Variants in PDE7B observed in about 807,000 individuals in gnomAD.
The protein encoded by PDE7B is 3',5'-cyclic-AMP phosphodiesterase 7B.
PDE7B carries 29 observed loss-of-function variants against 56.2 expected under a neutral mutation model. The observed-to-expected ratio is 0.52, with a 90% CI of 0.38 to 0.70. The LOEUF is 0.70. Ranked by LOEUF, PDE7B falls within the 30% of genes least tolerant of loss-of-function variation. PDE7B has a pLI of 0.00. For synonymous variants in PDE7B, 197 were observed against 196.9 expected (o/e 1.00, Z 0.00); for missense variants, 490 against 565.0 (o/e 0.87, Z 1.35).
intron 1 of PDE7B, among the ~76,000 whole-genome samples, chr6:135,885,304 GTTTTTTGTTGTTGCTTGTTTGTTGT>G (rs1775684774): frequency 1.4e-5 from 2 of 146,666 alleles, no homozygotes; most frequent in Non-Finnish European, 3.0e-5. Context: ...TTGTTTGTTT[GTTTTTTGTTGTTGCTTGTTTGTTGT>G]TTTTTTTTTT....
chr6:136,010,297 G>A (rs377334186), intron 2 of PDE7B, among the ~76,000 whole-genome samples: 46 of 151,760 alleles, frequency 3.0e-4, no homozygotes, highest in African/African-American at 1.0e-3. Context: ...GCTGTTTAAA[G>A]CCAATACTTC....
intron 3 of PDE7B, among the ~76,000 whole-genome samples, chr6:136,116,237 A>G (rs1777827908): frequency 6.6e-6 from 1 of 152,230 alleles, no homozygotes; most frequent in Non-Finnish European, 1.5e-5. Flanking sequence ...ACTGACCTAC[A>G]TATGAGGACA....
At chr6:135,969,845 C>T (rs529651860) in intron 2 of PDE7B, among the ~76,000 whole-genome samples, 4 of 151,890 alleles carry the variant, frequency 2.6e-5, no homozygotes, top group Non-Finnish European at 5.9e-5. Context: ...GGAAAAGGAC[C>T]CCATGGCTAT....
intron 8 of PDE7B, among the ~76,000 whole-genome samples, chr6:136,159,077 C>T (rs1174663521): frequency 1.3e-5 from 2 of 152,158 alleles, no homozygotes; most frequent in African/African-American, 2.4e-5. Context: ...TTATTACACT[C>T]TATAATGTCT....
In PDE7B at chr6:136,037,446, G is replaced by A. The variant is rs556414645; in HGVS notation, c.83-71285G>A. The A allele has an allele frequency of 2.1e-3, 2,049 of 985,408 alleles. 2 individuals are homozygous for A. The highest frequency in any genetic ancestry group is 2.2e-3 in the Non-Finnish European group (1,826 of 829,890). The allele number at this position is 985,408 out of a possible 1,614,324, so 61.0% of individuals were successfully genotyped here. On this transcript the variant is annotated intron_variant, in intron 2 of 12. Transcript: ENST00000308191. ...TTGCCGAGAACCAAATGACACAAGGGGGAGGGATGTGGAGAAGGAGCGAGA... is the reference window on the plus strand; with the variant it reads ...TTGCCGAGAACCAAATGACACAAGGAGGAGGGATGTGGAGAAGGAGCGAGA...
At chr6:136,186,397 A>C (rs1779146199) in intron 11 of PDE7B, among the ~76,000 whole-genome samples, 2 of 152,062 alleles carry the variant, frequency 1.3e-5, no homozygotes, top group African/African-American at 2.4e-5. Context: ...CACTGCACTC[A>C]AGCCTGGGTG....
chr6:136,053,141 G>A (rs1183597493), intron 2 of PDE7B, among the ~76,000 whole-genome samples: 2 of 151,826 alleles, frequency 1.3e-5, no homozygotes, highest in East Asian at 1.9e-4. Context: ...CATGTGCCAC[G>A]TTGGTGTGCT....
chr6:136,027,307 C>CT (rs1384289934), intron 2 of PDE7B, among the ~76,000 whole-genome samples: 3 of 152,194 alleles, frequency 2.0e-5, no homozygotes, highest in Admixed American at 1.3e-4. Flanking sequence ...ATTCCTCTTT[C>CT]TTTGCTTTGT....
At chr6:135,994,113 G>T (rs1775520939) in intron 2 of PDE7B, among the ~76,000 whole-genome samples, 1 of 118,210 alleles carries the variant, frequency 8.5e-6, no homozygotes, top group Non-Finnish European at 1.7e-5. Flanking sequence ...TCTTGTATTG[G>T]ATCTGTGTGT....
At chr6:135,916,245 T>C (rs1773931637) in intron 1 of PDE7B, among the ~76,000 whole-genome samples, 1 of 152,146 alleles carries the variant, frequency 6.6e-6, no homozygotes, top group African/African-American at 2.4e-5. Flanking sequence ...TTGTGTTAAG[T>C]TTAGCCATTC....
At chr6:136,113,720 G>T (rs1039571160) in intron 3 of PDE7B, among the ~76,000 whole-genome samples, 11 of 152,188 alleles carry the variant, frequency 7.2e-5, no homozygotes, top group African/African-American at 2.7e-4. Flanking sequence ...TTGTAGGGGG[G>T]AAACAAAGGA....
chr6:135,860,959 A>G (rs976034267), intron 1 of PDE7B, among the ~76,000 whole-genome samples: 1 of 151,896 alleles, frequency 6.6e-6, no homozygotes, highest in Non-Finnish European at 1.5e-5. Context: ...GAAATAGAAC[A>G]TTATTACATG....
At chr6:136,171,795 A>T (rs1778888179) in intron 8 of PDE7B, among the ~76,000 whole-genome samples, 1 of 94,002 alleles carries the variant, frequency 1.1e-5, no homozygotes, top group African/African-American at 4.4e-5. Flanking sequence ...CCCTCCCCCG[A>T]CCCCACAACA....
At chr6:135,896,750 G>A (rs1421057686) in intron 1 of PDE7B, among the ~76,000 whole-genome samples, 3 of 152,066 alleles carry the variant, frequency 2.0e-5, no homozygotes, top group Non-Finnish European at 4.4e-5. Flanking sequence ...AATGTTCAAC[G>A]CACCAAACCT....
intron 2 of PDE7B, chr6:136,044,262 C>T (rs1279021334): frequency 1.3e-5 from 2 of 152,144 alleles, no homozygotes; most frequent in African/African-American, 2.4e-5. Context: ...TCTTCCTCTC[C>T]TTCTAGATTC....
chr6:136,050,895 TCTCCTC>T (rs548827935), intron 2 of PDE7B, among the ~76,000 whole-genome samples: 8 of 151,934 alleles, frequency 5.3e-5, no homozygotes, highest in African/African-American at 1.4e-4. Context: ...TCTGAAACTT[TCTCCTC>T]CTCCTCCTCC....
intron 2 of PDE7B, among the ~76,000 whole-genome samples, chr6:135,991,141 G>GT (rs1401989676): frequency 6.6e-6 from 1 of 152,178 alleles, no homozygotes; most frequent in African/African-American, 2.4e-5. Context: ...GTTTTGGTGG[G>GT]TTTTGTCTGG....
intron 8 of PDE7B, among the ~76,000 whole-genome samples, chr6:136,161,414 G>T (rs1388258052): frequency 6.6e-6 from 1 of 152,088 alleles, no homozygotes; most frequent in African/African-American, 2.4e-5. Flanking sequence ...ATATTTAATA[G>T]CTTCTCCTGC....
At chr6:135,853,521 T>C (rs967109735) in intron 1 of PDE7B, among the ~76,000 whole-genome samples, 4 of 152,198 alleles carry the variant, frequency 2.6e-5, no homozygotes, top group African/African-American at 7.2e-5. Flanking sequence ...TACGTCTTGA[T>C]TGACATTTTC....
Sources: gnomAD v4.1 joint callset for allele counts (sites outside exome capture counted in the v4.1 genomes callset) on GRCh38, gnomAD v4.1.1 for gene constraint, MANE v1.5 for transcripts, NCBI Gene and HGNC (gene_info 2026-07-23, HGNC 2026-07-21) for gene names.